COG5: variants seen among roughly 807,000 people sequenced by gnomAD.
The protein encoded by COG5 is component of oligomeric golgi complex 5.
In COG5, 86 loss-of-function variants were observed where a neutral mutation model predicts 110.4. The observed-to-expected ratio is 0.78, with a 90% CI of 0.65 to 0.93. COG5 has a LOEUF of 0.93. Among genes scored for constraint, COG5 ranks in the 40% least tolerant of loss-of-function variants. COG5 has a pLI of 0.00. For synonymous variants in COG5, 360 were observed against 334.6 expected (o/e 1.08, Z -0.83); for missense variants, 1,077 against 987.0 (o/e 1.09, Z -1.22).
chr7:107,254,138 T>C (rs1188544837), intron 16 of COG5, among the ~76,000 whole-genome samples: 1 of 152,148 alleles, frequency 6.6e-6, no homozygotes, highest in Non-Finnish European at 1.5e-5. Context: ...ACCTCAAGCC[T>C]AAAATAACAT....
chr7:107,486,029 G>A (rs898386183), intron 6 of COG5, among the ~76,000 whole-genome samples: 3 of 152,022 alleles, frequency 2.0e-5, no homozygotes, highest in African/African-American at 7.2e-5. Context: ...CAAGTCTCCA[G>A]GGAACAATTC....
intron 5 of COG5, among the ~76,000 whole-genome samples, chr7:107,544,289 G>C (rs886711614): frequency 2.0e-5 from 3 of 152,130 alleles, no homozygotes; most frequent in Non-Finnish European, 4.4e-5. Context: ...AAGGTCCCAG[G>C]TGCCAGCAAC....
chr7:107,332,308 T>A (rs561606686), intron 10 of COG5, among the ~76,000 whole-genome samples: 1 of 152,186 alleles, frequency 6.6e-6, no homozygotes, highest in South Asian at 2.1e-4. Context: ...AATAAATCAA[T>A]TAAAAGTTGG....
At chr7:107,339,469 G>A (rs1811000862) in intron 10 of COG5, among the ~76,000 whole-genome samples, 1 of 151,934 alleles carries the variant, frequency 6.6e-6, no homozygotes, top group African/African-American at 2.4e-5. Context: ...AGATCATGGA[G>A]GTAGAAAACT....
intron 5 of COG5, among the ~76,000 whole-genome samples, chr7:107,530,830 G>GT (rs1463792829): frequency 6.6e-6 from 1 of 151,768 alleles, no homozygotes; most frequent in Non-Finnish European, 1.5e-5. Context: ...TTCCCTCCCT[G>GT]TTTTTTTATC....
intron 10 of COG5, among the ~76,000 whole-genome samples, chr7:107,337,942 A>G (rs1243374981): frequency 6.6e-6 from 1 of 152,118 alleles, no homozygotes; most frequent in African/African-American, 2.4e-5. Context: ...CAATTTTTAA[A>G]AACAGGATCA....
chr7:107,476,184 T>TAAAAAAAAAAA (rs34741713), intron 6 of COG5, among the ~76,000 whole-genome samples: 3 of 44,046 alleles, frequency 6.8e-5, no homozygotes, highest in Non-Finnish European at 1.3e-4. Flanking sequence ...GCAATGATTT[T>TAAAAAAAAAAA]AAAAAAAAAA....
chr7:107,241,514 G>A lies in COG5; in HGVS notation c.1854-4827C>T, dbSNP rs1213903938. ...ATCGCCCAGGCTGGAGTGCAGTGGC[G>A]CGATCTGGGCTCACTGCAAGCTCCG... On this transcript the variant is annotated intron_variant, in intron 17 of 21. Transcript: ENST00000297135. Among the ~76,000 whole-genome samples the A allele has an allele frequency of 4.0e-5, 6 of 150,544 alleles. No homozygotes were observed. In the East Asian group the frequency reaches 5.9e-4, roughly 15 times the overall value.
rs540861617 is a variant in COG5 at position 107,536,492 on chromosome 7, T to C, written c.418-9135A>G. ...ACACCAATAATAGAGAGCCAAATCATGAGCAATCTCCCATTCACAATTTCT... is the reference window on the plus strand; with the variant it reads ...ACACCAATAATAGAGAGCCAAATCACGAGCAATCTCCCATTCACAATTTCT... On this transcript the variant is annotated intron_variant, in intron 5 of 21. Transcript: ENST00000297135. 2.6e-5 allele frequency among the ~76,000 whole-genome samples: 4 copies of C among 152,228 alleles called. No individual in the cohort carries two copies. In the South Asian group the frequency reaches 8.3e-4, roughly 32 times the overall value.
At chr7:107,393,698 T>C (rs1224340670) in intron 7 of COG5, among the ~76,000 whole-genome samples, 2 of 152,212 alleles carry the variant, frequency 1.3e-5, no homozygotes, top group Non-Finnish European at 2.9e-5. Context: ...AGCTGAGATA[T>C]GTTCTCTGGC....
chr7:107,306,573 G>C (rs959986575), intron 11 of COG5, among the ~76,000 whole-genome samples: 2 of 152,142 alleles, frequency 1.3e-5, no homozygotes, highest in African/African-American at 4.8e-5. Context: ...AGCCCTAAGA[G>C]ATTTCTCACA....
At chr7:107,446,062 G>A (rs1584832842) in intron 6 of COG5, among the ~76,000 whole-genome samples, 1 of 152,156 alleles carries the variant, frequency 6.6e-6, no homozygotes, top group Admixed American at 6.5e-5. Context: ...TACAGAGGGA[G>A]CAGCCATATT....
chr7:107,280,813 G>GA (rs1469529345), intron 14 of COG5, among the ~76,000 whole-genome samples: 1 of 151,772 alleles, frequency 6.6e-6, no homozygotes, highest in Admixed American at 6.6e-5. Flanking sequence ...TCTAGGGTTG[G>GA]AATCTTTAAA....
At chr7:107,468,895 C>T (rs1796461349) in intron 6 of COG5, among the ~76,000 whole-genome samples, 1 of 151,794 alleles carries the variant, frequency 6.6e-6, no homozygotes, top group Non-Finnish European at 1.5e-5. Context: ...GCTGTTTTAT[C>T]TACTTAAGTC....
At chr7:107,357,714 G>A (rs185276598) in intron 10 of COG5, among the ~76,000 whole-genome samples, 1 of 151,744 alleles carries the variant, frequency 6.6e-6, no homozygotes, top group African/African-American at 2.4e-5. Flanking sequence ...TATTACTCAG[G>A]CTAGAGTGCA....
intron 10 of COG5, among the ~76,000 whole-genome samples, chr7:107,337,609 G>C (rs115881844): frequency 5.3e-5 from 8 of 152,156 alleles, no homozygotes; most frequent in South Asian, 2.1e-4. Flanking sequence ...CTCATGGAGG[G>C]AGAGAGAAGA....
At chr7:107,246,979 T>C (rs1490568887) in intron 17 of COG5, among the ~76,000 whole-genome samples, 2 of 152,116 alleles carry the variant, frequency 1.3e-5, no homozygotes, top group African/African-American at 2.4e-5. Flanking sequence ...TAAATGCCCA[T>C]CAATGACATA....
chr7:107,352,479 A>T (rs1812246040), intron 10 of COG5, among the ~76,000 whole-genome samples: 1 of 151,890 alleles, frequency 6.6e-6, no homozygotes, highest in Non-Finnish European at 1.5e-5. Flanking sequence ...ATTGAAAAAA[A>T]AAATGGTCCT....
rs941507861 is a variant in COG5 at position 107,459,260 on chromosome 7, T to C, written c.539-46628A>G. On this transcript the variant is annotated intron_variant, in intron 6 of 21. Coordinates refer to ENST00000297135, the MANE Select transcript of COG5 (RefSeq NM_006348.5). The stretch of plus-strand genomic sequence containing the variant: ...AAAGTGAAGGTTAAAAAATAGTCTA[T>C]ATATATGATGCAAACTATATAGAAT... Among the ~76,000 whole-genome samples the C allele has an allele frequency of 2.6e-5, 4 of 152,100 alleles. No homozygotes were observed. In the East Asian group the frequency reaches 7.7e-4, roughly 29 times the overall value.
Sources: allele counts gnomAD v4.1 joint callset (sites outside exome capture counted in the v4.1 genomes callset), GRCh38; gene constraint gnomAD v4.1.1; transcripts MANE v1.5; gene names NCBI Gene and HGNC (gene_info 2026-07-23, HGNC 2026-07-21).